The following LRCH3 variants were observed in gnomAD, a reference collection of about 807,000 sequenced individuals.
LRCH3 encodes leucine rich repeats and calponin homology domain containing 3.
LRCH3 carries 68 observed loss-of-function variants against 104.5 expected under a neutral mutation model. The observed-to-expected ratio is 0.65, with a 90% CI of 0.54 to 0.80. The LOEUF (loss-of-function observed/expected upper bound fraction) is 0.80, where lower values mean the gene tolerates loss of function less well. LRCH3 is among the 30% of genes least tolerant of loss of function. LRCH3 has a pLI of 0.00. For synonymous variants in LRCH3, 344 were observed against 361.3 expected, an observed-to-expected ratio of 0.95 and a Z score of 0.54; for missense variants, 951 against 953.9, an observed-to-expected ratio of 1.00 and a Z score of 0.04.
chr3:197,823,806 AT>A (rs755723339), intron 4 of LRCH3, among the ~76,000 whole-genome samples: 4 of 152,082 alleles, frequency 2.6e-5, no homozygotes, highest in Admixed American at 6.6e-5. Flanking sequence ...TCTAACTGAT[AT>A]GTTTTTATAG....
intron 1 of LRCH3, among the ~76,000 whole-genome samples, chr3:197,794,276 G>T (rs28636799): frequency 0.04 from 6,078 of 152,224 alleles, 185 homozygotes; most frequent in East Asian, 0.083. Flanking sequence ...TATAGAAATA[G>T]GTGTTGCTGT....
At chr3:197,853,621 A>G (rs1273949952) in intron 13 of LRCH3, among the ~76,000 whole-genome samples, 2 of 152,214 alleles carry the variant, frequency 1.3e-5, no homozygotes, top group African/African-American at 4.8e-5. Context: ...TACAAGCAAC[A>G]ATTTTCAGTG....
At chr3:197,847,300 C>T in intron 10 of LRCH3, 109 bp from the exon 11 acceptor site, 1 of 1,010,082 alleles carries the variant, frequency 9.9e-7, no homozygotes, top group Non-Finnish European at 1.4e-6. Flanking sequence ...CAGTTTGCTA[C>T]TGATTAATAG....
In LRCH3 at chr3:197,854,311, C is replaced by G; in HGVS notation, c.1591-81C>G. On this transcript the variant is annotated intron_variant, in intron 13 of 20. Transcript: ENST00000425562. The surrounding 1 kb of genome is among the most constrained non-coding windows in gnomAD (Gnocchi z 4.5). ...AAGTATGTCTTAATATGTCTCTTCCCTTGTGTGTGTATTCGTGAAATACGT... is the reference window on the plus strand; with the variant it reads ...AAGTATGTCTTAATATGTCTCTTCCGTTGTGTGTGTATTCGTGAAATACGT... The G allele has an allele frequency of 8.5e-7, 1 of 1,180,054 alleles. No homozygotes were observed. The highest frequency in any genetic ancestry group is 1.2e-5 in the South Asian group (1 of 82,408). 73.1% of individuals were successfully genotyped at this position (1,180,054 alleles called of 1,614,324 possible).
intron 19 of LRCH3, among the ~76,000 whole-genome samples, chr3:197,874,402 CCTGATGATCTGT>C (rs1436482622): frequency 4.6e-5 from 7 of 152,162 alleles, no homozygotes; most frequent in Non-Finnish European, 8.8e-5. Context: ...GAATCTAATG[CCTGATGATCTGT>C]CAGTGTCTCC....
intron 10 of LRCH3, among the ~76,000 whole-genome samples, chr3:197,847,119 A>C (rs1043816404): frequency 3.9e-5 from 6 of 152,216 alleles, no homozygotes; most frequent in Non-Finnish European, 7.3e-5. Context: ...TTATAAAGAA[A>C]TGATGCTGTT....
At chr3:197,798,154 G>A (rs1731474137) in intron 1 of LRCH3, among the ~76,000 whole-genome samples, 1 of 152,070 alleles carries the variant, frequency 6.6e-6, no homozygotes, top group African/African-American at 2.4e-5. Flanking sequence ...CCAGCTGCTT[G>A]GGAAGCTGAG....
At chr3:197,820,277 A>G in intron 3 of LRCH3, 48 bp from the exon 4 acceptor site, 1 of 1,325,472 alleles carries the variant, frequency 7.5e-7, no homozygotes, top group South Asian at 1.2e-5. Context: ...TAAAGCAGAC[A>G]AGTTTGTAAT....
chr3:197,846,832 A>C (rs1280214346), intron 10 of LRCH3, among the ~76,000 whole-genome samples: 2 of 152,228 alleles, frequency 1.3e-5, no homozygotes, highest in Non-Finnish European at 2.9e-5. Context: ...ATAGTAAACT[A>C]TAAGAATTAA....
chr3:197,881,092 T>C lies in LRCH3; in HGVS notation c.2209-2449T>C, dbSNP rs1713719085. ...CACAATACAACTCCCATCTGGCCAT[T>C]TTTCCGTGCCTCAGCACAAGTGTTG... On this transcript the variant is annotated intron_variant, in intron 20 of 20. Transcript: ENST00000425562. The C allele has an allele frequency of 5.6e-6, 6 of 1,066,532 alleles. No individual in the cohort carries two copies. The South Asian group carries it at 1.6e-4, about 28-fold the overall frequency. 66.1% of individuals were successfully genotyped at this position (1,066,532 alleles called of 1,614,324 possible). A position where few individuals can be genotyped will look rare whatever the true frequency, so the allele number is the denominator to read the frequency against.
intron 5 of LRCH3, 144 bp downstream of exon 5, chr3:197,827,158 C>G: frequency 7.1e-7 from 1 of 1,404,322 alleles, no homozygotes; most frequent in Non-Finnish European, 9.6e-7. Flanking sequence ...ATCAGGTAAA[C>G]CATAGTGGAA....
chr3:197,841,151 A>G (rs1737746782), intron 10 of LRCH3, among the ~76,000 whole-genome samples: 1 of 152,244 alleles, frequency 6.6e-6, no homozygotes, highest in Admixed American at 6.5e-5. Flanking sequence ...TTCTCTACTT[A>G]GAGGCCAAAG....
At chr3:197,826,612 T>C (rs958426913) in intron 4 of LRCH3, among the ~76,000 whole-genome samples, 6 of 152,190 alleles carry the variant, frequency 3.9e-5, no homozygotes, top group Non-Finnish European at 7.4e-5. Context: ...TCTTGTGGTA[T>C]CAGGGCCTCC....
In LRCH3 at chr3:197,874,261, C is replaced by G. The variant is rs1264653217; in HGVS notation, c.2131-1437C>G. Among the ~76,000 whole-genome samples the G allele has an allele frequency of 1.3e-5, 2 of 152,154 alleles. 1 individual carries two copies. Among genetic ancestry groups the G allele is most frequent in the Admixed American group, 1.3e-4 (2 of 15,276 alleles). On this transcript the variant is annotated intron_variant, in intron 19 of 20. Transcript: ENST00000425562. ...CTTCATCTGTATTTACAGCCACTCCCCATTACTCACATCACCACCCGAGCT... is the reference window on the plus strand; with the variant it reads ...CTTCATCTGTATTTACAGCCACTCCGCATTACTCACATCACCACCCGAGCT...
chr3:197,794,535 A>T (rs1348325784), intron 1 of LRCH3, among the ~76,000 whole-genome samples: 1 of 152,252 alleles, frequency 6.6e-6, no homozygotes, highest in Non-Finnish European at 1.5e-5. Flanking sequence ...GAATGCTAAT[A>T]TATAAAAGTT....
intron 5 of LRCH3, among the ~76,000 whole-genome samples, chr3:197,828,239 G>A (rs985631206): frequency 6.6e-6 from 1 of 152,188 alleles, no homozygotes; most frequent in African/African-American, 2.4e-5. Context: ...ACCAGTGACT[G>A]AAGTGAAGCT....
intron 1 of LRCH3, among the ~76,000 whole-genome samples, chr3:197,798,950 A>G (rs145105871): frequency 1.8e-4 from 28 of 152,118 alleles, no homozygotes; most frequent in Non-Finnish European, 3.2e-4. Context: ...GTCATACTGG[A>G]CAGCACAGAT....
rs1740258274 is a variant in LRCH3, at chr3:197,856,449, C to T, written c.1644+2004C>T. ...ATTTAATTATTTTGAGACAGAGTCT[C>T]CCTCTGTTGCCGAGGCTGGAGTGCA... On this transcript the variant is annotated intron_variant, in intron 14 of 20. Transcript: ENST00000425562. The surrounding 1 kb of genome is among the most constrained non-coding windows in gnomAD (Gnocchi z 4.2). Among the ~76,000 whole-genome samples, 1 of 151,870 alleles carries T rather than the reference C, an allele frequency of 6.6e-6. No homozygotes were observed. Among genetic ancestry groups the T allele is most frequent in the Non-Finnish European group, 1.5e-5 (1 of 67,970 alleles).
At chr3:197,793,169 A>T (rs1381263973) in intron 1 of LRCH3, among the ~76,000 whole-genome samples, 1 of 152,228 alleles carries the variant, frequency 6.6e-6, no homozygotes, top group Non-Finnish European at 1.5e-5. Context: ...ATTTATAAGT[A>T]TTACATATGA....
Sources: gnomAD v4.1 joint callset for allele counts (sites outside exome capture counted in the v4.1 genomes callset) on GRCh38, gnomAD v4.1.1 for gene constraint, Gnocchi (gnomAD v3.1) non-coding constraint, MANE v1.5 for transcripts, NCBI Gene and HGNC (gene_info 2026-07-23, HGNC 2026-07-21) for gene names.